ZSCAN25: variants seen among roughly 807,000 people sequenced by gnomAD.
The protein encoded by ZSCAN25 is zinc finger and SCAN domain containing 25.
Under a neutral mutation model 38.7 loss-of-function variants are expected in ZSCAN25, and 27 were observed. The ratio of observed to expected loss-of-function variants is 0.70; its 90% CI spans 0.51 to 0.96. The LOEUF (loss-of-function observed/expected upper bound fraction) is 0.96, where lower values mean the gene tolerates loss of function less well. Ranked by LOEUF, ZSCAN25 falls within the 40% of genes least tolerant of loss-of-function variation. The pLI is 0.00. For synonymous variants in ZSCAN25, 273 were observed against 277.7 expected (o/e 0.98, Z 0.17); for missense variants, 637 against 705.9 (o/e 0.90, Z 1.11).
chr7:99,716,445 C>T, the ZSCAN25 span, among the ~76,000 whole-genome samples: 12 of 152,304 alleles, frequency 7.9e-5, no homozygotes, highest in East Asian at 1.9e-4. Flanking sequence ...CCACTATCCC[C>T]AGCTGTGGTG....
At chr7:99,688,439 A>T in the ZSCAN25 span, among the ~76,000 whole-genome samples, 2 of 152,242 alleles carry the variant, frequency 1.3e-5, no homozygotes, top group East Asian at 1.9e-4. Flanking sequence ...CATTACATAA[A>T]GGTAAAGGGA....
the ZSCAN25 span, among the ~76,000 whole-genome samples, chr7:99,655,691 T>C: frequency 6.6e-6 from 1 of 152,248 alleles, no homozygotes; most frequent in Non-Finnish European, 1.5e-5. Context: ...TTTCATGATA[T>C]TGATTCTTCC....
chr7:99,693,495 C>T, the ZSCAN25 span, among the ~76,000 whole-genome samples: 34 of 152,252 alleles, frequency 2.2e-4, no homozygotes, highest in Admixed American at 2.2e-3. Context: ...TTCTACTCTG[C>T]CCTGCCCCCA....
chr7:99,705,336 G>T, the ZSCAN25 span: 2 of 765,726 alleles, frequency 2.6e-6, no homozygotes, highest in African/African-American at 1.7e-5. Context: ...ACTCTATACA[G>T]ACCATGAGAG....
At chr7:99,628,182 G>A (rs1708772818) in intron 7 of ZSCAN25, among the ~76,000 whole-genome samples, 1 of 152,046 alleles carries the variant, frequency 6.6e-6, no homozygotes, top group African/African-American at 2.4e-5. Flanking sequence ...AACATAAATG[G>A]CTTGTACACT....
At chr7:99,677,381 G>A in the ZSCAN25 span, among the ~76,000 whole-genome samples, 2 of 152,200 alleles carry the variant, frequency 1.3e-5, no homozygotes, top group African/African-American at 4.8e-5. Context: ...GAATCCACAT[G>A]CCTCATATGT....
chr7:99,660,545 A>G, the ZSCAN25 span: 1 of 1,613,812 alleles, frequency 6.2e-7, no homozygotes. Flanking sequence ...TTTCTGCTGG[A>G]CATCAGGGTG....
the ZSCAN25 span, chr7:99,685,296 C>A: frequency 6.2e-7 from 1 of 1,601,976 alleles, no homozygotes; most frequent in Non-Finnish European, 8.5e-7. Context: ...GAAACTGTAG[C>A]ATCAAAGTAA....
chr7:99,731,268 A>T, the ZSCAN25 span: 1 of 1,172,340 alleles, frequency 8.5e-7, no homozygotes, highest in African/African-American at 1.6e-5. Flanking sequence ...CATTAAGGCA[A>T]TAAAAAATAA....
Position 99,619,584 on chromosome 7 carries a change from G to A in ZSCAN25, c.-23G>A. 1 of 1,589,234 alleles carries A rather than the reference G, an allele frequency of 6.3e-7. No homozygotes were observed. Among genetic ancestry groups the A allele is most frequent in the African/African-American group, 1.3e-5 (1 of 74,252 alleles). On this transcript the variant is annotated 5_prime_UTR_variant, in exon 4 of 8. Coordinates refer to ENST00000394152, the MANE Select transcript of ZSCAN25 (RefSeq NM_145115.3). The stretch of plus-strand genomic sequence containing the variant: ...AGGGTCATTGATGCAGTCATTCTCA[G>A]TCTCCTCGGAGGGAGTCTGAAGATG...
the ZSCAN25 span, chr7:99,665,092 T>C: frequency 2.0e-5 from 25 of 1,257,490 alleles, no homozygotes; most frequent in African/African-American, 2.3e-4. Flanking sequence ...GTGGATGAAT[T>C]ATACGATATG....
the ZSCAN25 span, chr7:99,663,010 G>T: frequency 6.9e-7 from 1 of 1,457,868 alleles, no homozygotes; most frequent in Non-Finnish European, 9.1e-7. Context: ...TCTTGAAGAC[G>T]TGTTACCTGA....
At chr7:99,705,662 A>G in the ZSCAN25 span, 1 of 1,580,598 alleles carries the variant, frequency 6.3e-7, no homozygotes, top group Non-Finnish European at 8.7e-7. Flanking sequence ...ATAGCATCAA[A>G]GTAAAAAAAA....
At chr7:99,627,892 G>A (rs1807633575) in intron 7 of ZSCAN25, among the ~76,000 whole-genome samples, 1 of 151,886 alleles carries the variant, frequency 6.6e-6, no homozygotes, top group Admixed American at 6.6e-5. Flanking sequence ...TGTAAAAGGG[G>A]CTTCTAGGGA....
chr7:99,673,464 C>T, the ZSCAN25 span, among the ~76,000 whole-genome samples: 2 of 152,214 alleles, frequency 1.3e-5, no homozygotes, highest in Non-Finnish European at 2.9e-5. Flanking sequence ...TTCAGCATCT[C>T]TTCTTCAAAG....
the ZSCAN25 span, among the ~76,000 whole-genome samples, chr7:99,732,139 C>G: frequency 5.3e-5 from 8 of 152,272 alleles, no homozygotes; most frequent in East Asian, 9.6e-4. Context: ...CACACCATCC[C>G]CCTTGGGTGC....
At chr7:99,700,220 A>C in the ZSCAN25 span, among the ~76,000 whole-genome samples, 1 of 151,974 alleles carries the variant, frequency 6.6e-6, no homozygotes, top group Non-Finnish European at 1.5e-5. Context: ...AATCGCACAC[A>C]CCCCTTTGCT....
chr7:99,705,853 T>C, the ZSCAN25 span, among the ~76,000 whole-genome samples: 1 of 152,208 alleles, frequency 6.6e-6, no homozygotes, highest in Admixed American at 6.5e-5. Flanking sequence ...TGAGACAAAT[T>C]CATGGGAACC....
chr7:99,687,936 A>G, the ZSCAN25 span, among the ~76,000 whole-genome samples: 2 of 152,210 alleles, frequency 1.3e-5, no homozygotes, highest in African/African-American at 4.8e-5. Flanking sequence ...TCATAAGTGA[A>G]GGAGAAATAA....
Sources: gnomAD v4.1 joint callset for allele counts (sites outside exome capture counted in the v4.1 genomes callset) on GRCh38, gnomAD v4.1.1 for gene constraint, MANE v1.5 for transcripts, NCBI Gene and HGNC (gene_info 2026-07-23, HGNC 2026-07-21) for gene names.